The following MAP2 variants were observed in gnomAD, a reference collection of about 807,000 sequenced individuals.
MAP2 encodes microtubule-associated protein 2.
In MAP2, 14 loss-of-function variants were observed where a neutral mutation model predicts 137.6. The ratio of observed to expected loss-of-function variants is 0.10; its 90% CI spans 0.07 to 0.16. MAP2 has a LOEUF of 0.16. Among genes scored for constraint, MAP2 ranks in the 10% least tolerant of loss-of-function variants. The probability of loss-of-function intolerance (pLI) is 1.00; values close to 1 mark genes in which losing one functional copy is unlikely to be tolerated. For missense variants in MAP2, 2,088 were observed against 2,191.5 expected (o/e 0.95, Z 0.94); for synonymous variants, 786 against 782.3 (o/e 1.00, Z -0.08).
chr2:209,524,500 A>G (rs2063740172), intron 2 of MAP2, among the ~76,000 whole-genome samples: 1 of 152,148 alleles, frequency 6.6e-6, no homozygotes, highest in Admixed American at 6.6e-5. Context: ...ACATGAGATT[A>G]AACATTAAGA....
At chr2:209,628,353 A>G (rs1464093767) in intron 4 of MAP2, among the ~76,000 whole-genome samples, 1 of 152,112 alleles carries the variant, frequency 6.6e-6, no homozygotes, top group Non-Finnish European at 1.5e-5. Context: ...ATTACAGTGC[A>G]GTGGTTAGCA....
rs375525855 is a variant in MAP2 at position 209,624,429 on chromosome 2, G to A, written c.-106-624G>A. ...GCTTATGAAGTAGAAAACAAGCCTC[G>A]TGCTTTCTAGTAATTCTGTTTATTT... is the stretch of plus-strand genomic sequence containing the variant. On this transcript the variant is annotated intron_variant, in intron 3 of 15. Transcript: ENST00000682079. Among the ~76,000 whole-genome samples the A allele has an allele frequency of 6.6e-5, 10 of 152,186 alleles. No individual in the cohort carries two copies. In the South Asian group the frequency reaches 8.3e-4, roughly 13 times the overall value.
intron 2 of MAP2, among the ~76,000 whole-genome samples, chr2:209,566,145 C>A (rs1247846539): frequency 6.6e-6 from 1 of 152,186 alleles, no homozygotes; most frequent in Non-Finnish European, 1.5e-5. Context: ...CTTAATTTAT[C>A]CTGTTGATGA....
intron 3 of MAP2, among the ~76,000 whole-genome samples, chr2:209,605,810 A>G (rs1246241648): frequency 1.3e-5 from 2 of 152,124 alleles, no homozygotes; most frequent in East Asian, 1.9e-4. Context: ...TCATGTTCTC[A>G]TGATTTGCCT....
At chr2:209,598,941 A>C (rs1258618282) in intron 3 of MAP2, among the ~76,000 whole-genome samples, 7 of 151,808 alleles carry the variant, frequency 4.6e-5, no homozygotes, top group African/African-American at 1.7e-4. Flanking sequence ...AGCATGATTT[A>C]TAGTCCTTTG....
intron 13 of MAP2, among the ~76,000 whole-genome samples, chr2:209,723,426 C>T (rs1415577770): frequency 6.6e-6 from 1 of 152,144 alleles, no homozygotes; most frequent in Non-Finnish European, 1.5e-5. Context: ...AATAGGGGCT[C>T]AGATTTACAT....
intron 2 of MAP2, among the ~76,000 whole-genome samples, chr2:209,514,129 A>G (rs288047): frequency 0.012 from 1,764 of 152,208 alleles, 37 homozygotes; most frequent in African/African-American, 0.041. Context: ...CAGAATCTCA[A>G]AGTCACTTTG....
chr2:209,693,865 T>C lies in MAP2; in HGVS notation c.1695T>C (p.Asp565=). 1 of 1,613,038 alleles carries C rather than the reference T, an allele frequency of 6.2e-7. No individual in the cohort carries two copies. The highest frequency in any genetic ancestry group is 1.1e-5 in the South Asian group (1 of 90,768). ...AGCTTGATATGCCATTTTATGAAGA[T>C]AAATCAGGAATGTCCAAGTACTTTG... The part of the protein sequence containing the change: ...SAELDMPFYE[D]KSGMSKYFET... Residue 565 remains aspartate, a synonymous_variant, in exon 8 of 16, where the codon GAT becomes GAC. Coordinates refer to ENST00000682079, the MANE Select transcript of MAP2 (RefSeq NM_001375505.1).
At chr2:209,620,233 C>T (rs1007235801) in intron 3 of MAP2, among the ~76,000 whole-genome samples, 3 of 152,148 alleles carry the variant, frequency 2.0e-5, no homozygotes, top group Non-Finnish European at 4.4e-5. Context: ...TGTTGAGATG[C>T]TTCAGACAAG....
At chr2:209,667,105 T>A (rs2046666106) in intron 5 of MAP2, among the ~76,000 whole-genome samples, 1 of 150,126 alleles carries the variant, frequency 6.7e-6, no homozygotes, top group East Asian at 1.9e-4. Context: ...GAGGTATTTC[T>A]TGTATTTTAT....
In MAP2 at chr2:209,731,248, G is replaced by C. The variant is rs2075734274; in HGVS notation, c.*851G>C. 6.6e-6 allele frequency: 1 copy of C among 151,968 alleles called. No individual in the cohort carries two copies. The highest frequency in any genetic ancestry group is 2.4e-5 in the African/African-American group (1 of 41,254). The allele number at this position is 151,968 out of a possible 1,614,324, so 9.4% of individuals were successfully genotyped here. A position where few individuals can be genotyped will look rare whatever the true frequency, so the allele number is the denominator to read the frequency against. Reference sequence around the variant, plus strand: ...TGAATATTATACTTCTTTATTCACAGTATCTGTGTCTCCTGCACCCTTTGG... The same window carrying C: ...TGAATATTATACTTCTTTATTCACACTATCTGTGTCTCCTGCACCCTTTGG... On this transcript the variant is annotated 3_prime_UTR_variant, in exon 16 of 16. Coordinates refer to ENST00000682079, the MANE Select transcript of MAP2 (RefSeq NM_001375505.1).
chr2:209,511,098 C>T (rs13014332), intron 2 of MAP2, among the ~76,000 whole-genome samples: 8,823 of 152,084 alleles, frequency 0.058, 292 homozygotes, highest in South Asian at 0.092. Flanking sequence ...AGTGAAATGT[C>T]ATATTGTGTG....
intron 3 of MAP2, among the ~76,000 whole-genome samples, chr2:209,622,334 G>C (rs935985333): frequency 6.6e-6 from 1 of 152,188 alleles, no homozygotes; most frequent in African/African-American, 2.4e-5. Flanking sequence ...TCTCTAGCCA[G>C]AGTTGAAGAC....
chr2:209,530,894 T>G (rs2065013069), intron 2 of MAP2, among the ~76,000 whole-genome samples: 1 of 152,194 alleles, frequency 6.6e-6, no homozygotes, highest in African/African-American at 2.4e-5. Flanking sequence ...TTGTTCTGTT[T>G]CCTAGTTGCT....
In MAP2 at chr2:209,587,010, G is replaced by A. The variant is rs114936056; in HGVS notation, c.-107+6910G>A. 6.9e-3 allele frequency among the ~76,000 whole-genome samples: 1,054 copies of A among 152,178 alleles called. 12 individuals carry two copies. The highest frequency in any genetic ancestry group is 0.024 in the African/African-American group (984 of 41,512). ...AAATCCATTAAATCAACCCAAATGA[G>A]CTACTGGCATTCCATTCTTTCTGCC... On this transcript the variant is annotated intron_variant, in intron 3 of 15. Coordinates refer to ENST00000682079, the MANE Select transcript of MAP2 (RefSeq NM_001375505.1).
chr2:209,434,917 A>ATATGTTATATATG (rs377079366), intron 1 of MAP2, among the ~76,000 whole-genome samples: 1 of 133,718 alleles, frequency 7.5e-6, no homozygotes, highest in South Asian at 2.4e-4. Flanking sequence ...TGTTATATAT[A>ATATGTTATATATG]TGTTATATAT....
At chr2:209,505,590 A>G (rs2060933913) in intron 1 of MAP2, among the ~76,000 whole-genome samples, 2 of 152,204 alleles carry the variant, frequency 1.3e-5, no homozygotes, top group African/African-American at 4.8e-5. Flanking sequence ...ATGATCTAAT[A>G]TTGAAACTGC....
intron 11 of MAP2, among the ~76,000 whole-genome samples, chr2:209,703,674 T>C (rs777888993): frequency 4.6e-5 from 7 of 152,112 alleles, no homozygotes; most frequent in Non-Finnish European, 8.8e-5. Flanking sequence ...TAAGGCTTAT[T>C]GTATTTTTAA....
chr2:209,704,066 T>C, intron 11 of MAP2: 2 of 454,228 alleles, frequency 4.4e-6, no homozygotes, highest in Non-Finnish European at 8.8e-6. Flanking sequence ...ATCATCCAAA[T>C]AGTGAACATA....
Sources: allele counts gnomAD v4.1 joint callset (sites outside exome capture counted in the v4.1 genomes callset), GRCh38; gene constraint gnomAD v4.1.1; transcripts MANE v1.5; gene names NCBI Gene and HGNC (gene_info 2026-07-23, HGNC 2026-07-21).